Variants in PARVA observed in about 807,000 individuals in gnomAD.
The protein encoded by PARVA is parvin alpha.
PARVA carries 25 observed loss-of-function variants against 52.6 expected under a neutral mutation model. The observed-to-expected ratio is 0.48, with a 90% CI of 0.35 to 0.66. The LOEUF (loss-of-function observed/expected upper bound fraction) is 0.66, where lower values mean the gene tolerates loss of function less well. Among genes scored for constraint, PARVA ranks in the 30% least tolerant of loss-of-function variants. The pLI is 0.01. For missense variants in PARVA, 373 were observed against 450.9 expected, an observed-to-expected ratio of 0.83 and a Z score of 1.56; for synonymous variants, 185 against 179.1, an observed-to-expected ratio of 1.03 and a Z score of -0.26.
intron 7 of PARVA, among the ~76,000 whole-genome samples, chr11:12,509,817 G>T (rs1429050110): frequency 1.3e-5 from 2 of 152,146 alleles, no homozygotes; most frequent in African/African-American, 2.4e-5. Context: ...TTCTGTGAGG[G>T]ATGGGAGGAG....
Position 12,508,486 on chromosome 11 carries a change from A to G in PARVA, c.658-98A>G, listed in dbSNP as rs1485355375. On this transcript the variant is annotated intron_variant, in intron 6 of 12. Coordinates refer to ENST00000334956, the MANE Select transcript of PARVA (RefSeq NM_018222.5). ...TGGGTGCATTTCTTAAACACCAGTAACTTTCTCATTATCAGGAATGCTCAT... is the reference window on the plus strand; with the variant it reads ...TGGGTGCATTTCTTAAACACCAGTAGCTTTCTCATTATCAGGAATGCTCAT... The G allele has an allele frequency of 1.3e-5, 11 of 871,740 alleles. No homozygotes were observed. In the East Asian group the frequency reaches 2.4e-4, roughly 19 times the overall value. The allele number at this position is 871,740 out of a possible 1,614,324, so 54.0% of individuals were successfully genotyped here. A position where few individuals can be genotyped will look rare whatever the true frequency, so the allele number is the denominator to read the frequency against.
At chr11:12,400,021 T>C (rs751055178) in intron 1 of PARVA, among the ~76,000 whole-genome samples, 4 of 152,192 alleles carry the variant, frequency 2.6e-5, no homozygotes, top group Non-Finnish European at 5.9e-5. Flanking sequence ...AAGGATCACT[T>C]GAGCCCAGGA....
chr11:12,384,239 A>G (rs755123644), intron 1 of PARVA, among the ~76,000 whole-genome samples: 3 of 152,146 alleles, frequency 2.0e-5, no homozygotes, highest in Non-Finnish European at 2.9e-5. Context: ...GTCTCCTGAT[A>G]CTGGTTTCCT....
intron 4 of PARVA, among the ~76,000 whole-genome samples, chr11:12,484,385 AG>A (rs1051103779): frequency 1.1e-4 from 17 of 152,272 alleles, no homozygotes; most frequent in African/African-American, 3.8e-4. Flanking sequence ...ATAAGCTTCC[AG>A]GGCTCTTCTT....
intron 4 of PARVA, among the ~76,000 whole-genome samples, chr11:12,490,070 G>A (rs914137911): frequency 6.6e-6 from 1 of 152,020 alleles, no homozygotes; most frequent in African/African-American, 2.4e-5. Context: ...CAAAAAATTA[G>A]CCGGGTGTGG....
rs1279308740 is a variant in PARVA, at chr11:12,377,887, C to T, written c.136+104C>T. 5 of 722,378 alleles carry T rather than the reference C, an allele frequency of 6.9e-6. No homozygotes were observed. The African/African-American group carries it at 7.6e-5, about 11-fold the overall frequency. 44.7% of individuals were successfully genotyped at this position (722,378 alleles called of 1,614,324 possible). A position where few individuals can be genotyped will look rare whatever the true frequency, so the allele number is the denominator to read the frequency against. ...CGGGCGGGAGCGCGCCGCGGGTGCC[C>T]GGCGCGGTGGGGCGCGCGGCGATGC... On this transcript the variant is annotated intron_variant, in intron 1 of 12. Transcript: ENST00000334956.
chr11:12,494,160 T>C (rs1358421028), intron 4 of PARVA, among the ~76,000 whole-genome samples: 3 of 152,248 alleles, frequency 2.0e-5, no homozygotes, highest in Non-Finnish European at 4.4e-5. Flanking sequence ...AGAGCTTCCA[T>C]GCTTTCTCAT....
intron 6 of PARVA, 64 bp downstream of exon 6, chr11:12,504,493 G>A: frequency 1.0e-6 from 1 of 963,352 alleles, no homozygotes; most frequent in Non-Finnish European, 1.6e-6. Flanking sequence ...AGTTCCTATG[G>A]TGCGTCGAGT....
chr11:12,397,296 C>T (rs1203150514), intron 1 of PARVA, among the ~76,000 whole-genome samples: 2 of 152,208 alleles, frequency 1.3e-5, no homozygotes, highest in Admixed American at 6.5e-5. Flanking sequence ...TTCTTGGGCT[C>T]AAGCAATCCC....
At chr11:12,427,172 AATT>A (rs1940249529) in intron 1 of PARVA, among the ~76,000 whole-genome samples, 1 of 152,244 alleles carries the variant, frequency 6.6e-6, no homozygotes, top group African/African-American at 2.4e-5. Context: ...AAGGAAATAT[AATT>A]ATTATAAAAG....
chr11:12,406,667 T>G (rs988636996), intron 1 of PARVA, among the ~76,000 whole-genome samples: 18 of 94,676 alleles, frequency 1.9e-4, no homozygotes, highest in Non-Finnish European at 1.5e-4. Flanking sequence ...ATCTGTTTTT[T>G]TTTTTTTTTT....
intron 1 of PARVA, among the ~76,000 whole-genome samples, chr11:12,437,995 T>C (rs965944148): frequency 6.6e-6 from 1 of 152,110 alleles, no homozygotes; most frequent in Non-Finnish European, 1.5e-5. Flanking sequence ...GCGCAGTGGC[T>C]TACGTCTGTA....
intron 1 of PARVA, among the ~76,000 whole-genome samples, chr11:12,421,407 T>C (rs573249652): frequency 6.6e-6 from 1 of 152,330 alleles, no homozygotes; most frequent in East Asian, 1.9e-4. Flanking sequence ...ACACCATTTA[T>C]CAGATTCTTC....
chr11:12,468,293 A>G (rs1378327564), intron 1 of PARVA, among the ~76,000 whole-genome samples: 1 of 152,116 alleles, frequency 6.6e-6, no homozygotes, highest in Non-Finnish European at 1.5e-5. Flanking sequence ...TGGCATGGGG[A>G]CTGCTTCAGG....
At chr11:12,517,777 ATGC>A in intron 11 of PARVA, 66 bp downstream of exon 11, 3 of 1,098,766 alleles carry the variant, frequency 2.7e-6, no homozygotes, top group Non-Finnish European at 4.1e-6. Context: ...GCCCACACCC[ATGC>A]TGGGGCTATC....
chr11:12,407,562 G>A (rs954435881), intron 1 of PARVA, among the ~76,000 whole-genome samples: 7 of 152,200 alleles, frequency 4.6e-5, no homozygotes, highest in African/African-American at 1.7e-4. Context: ...ATGGGGACAT[G>A]GGAGAAGGGA....
At chr11:12,468,467 T>A (rs1173378809) in intron 1 of PARVA, among the ~76,000 whole-genome samples, 1 of 152,222 alleles carries the variant, frequency 6.6e-6, no homozygotes, top group Non-Finnish European at 1.5e-5. Context: ...CTTTTCTTCA[T>A]GAACAAAAAT....
At chr11:12,525,055 G>T (rs1159230179) in intron 12 of PARVA, among the ~76,000 whole-genome samples, 2 of 152,212 alleles carry the variant, frequency 1.3e-5, no homozygotes, top group African/African-American at 4.8e-5. Flanking sequence ...CAGCATAGGC[G>T]GAGGCCAAGC....
chr11:12,439,513 C>T (rs1006434031), intron 1 of PARVA, among the ~76,000 whole-genome samples: 2 of 152,218 alleles, frequency 1.3e-5, no homozygotes, highest in African/African-American at 2.4e-5. Context: ...CTGACTCACT[C>T]ATCACCCCCA....
Sources: allele counts gnomAD v4.1 joint callset (sites outside exome capture counted in the v4.1 genomes callset), GRCh38; gene constraint gnomAD v4.1.1; transcripts MANE v1.5; gene names NCBI Gene and HGNC (gene_info 2026-07-23, HGNC 2026-07-21).